ALDH3A1: variants seen among roughly 807,000 people sequenced by gnomAD.
ALDH3A1 encodes aldehyde dehydrogenase, dimeric NADP-preferring.
ALDH3A1 carries 46 observed loss-of-function variants against 49.9 expected under a neutral mutation model. That is an observed-to-expected ratio of 0.92 (90% CI 0.73 to 1.18). ALDH3A1 has a LOEUF of 1.18. Among genes scored for constraint, ALDH3A1 ranks in the 50% most tolerant of loss-of-function variants. The probability of loss-of-function intolerance (pLI) is 0.00; values close to 1 mark genes in which losing one functional copy is unlikely to be tolerated. For synonymous variants in ALDH3A1, 269 were observed against 253.3 expected (o/e 1.06, Z -0.59); for missense variants, 592 against 611.8 (o/e 0.97, Z 0.34).
chr17:19,739,511 G>A lies in ALDH3A1; in HGVS notation c.1113C>T (p.Asp371=). Residue 371 remains aspartate (D), a synonymous_variant, in exon 8 of 11, where the codon GAC becomes GAT. Transcript: ENST00000225740. ...GCACCCCAGGCCCACCACCCACCTT[G>A]TCGTTGCTGGAGAACATGTAGAGGG... ...PLALYMFSSN[D]KVIKKMIAET... is the part of the protein sequence containing the mutation. 4 of 1,608,834 alleles carry A rather than the reference G, an allele frequency of 2.5e-6. No individual in the cohort carries two copies. Among genetic ancestry groups the A allele is most frequent in the Non-Finnish European group, 3.4e-6 (4 of 1,178,136 alleles).
At chr17:19,744,901 G>GCCGGCCCCCCC in intron 2 of ALDH3A1, 67 bp downstream of exon 2, 1 of 434,630 alleles carries the variant, frequency 2.3e-6, no homozygotes, top group African/African-American at 3.4e-5. Context: ...ACTCTCCCCA[G>GCCGGCCCCCCC]CCCCTCCCCC....
At position 19,748,220 on chromosome 17, in the gene ALDH3A1, G is replaced by C. The variant is rs1308486260; in HGVS notation, c.-6+39C>G. The C allele has an allele frequency of 2.0e-5, 9 of 442,280 alleles. No individual in the cohort carries two copies. The Admixed American group carries it at 2.2e-4, about 11-fold the overall frequency. The allele number at this position is 442,280 out of a possible 1,614,324, so 27.4% of individuals were successfully genotyped here. ...CGGCTCTGAGTGCAGACTCCACCTAGACAAGAGAAAAAATAAGGAATGCAG... is the reference window on the plus strand; with the variant it reads ...CGGCTCTGAGTGCAGACTCCACCTACACAAGAGAAAAAATAAGGAATGCAG... On this transcript the variant is annotated intron_variant, in intron 1 of 10. Transcript: ENST00000225740. The surrounding 1 kb of genome is among the most constrained non-coding windows in gnomAD (Gnocchi z 4.4).
intron 5 of ALDH3A1, 149 bp from the exon 6 acceptor site, chr17:19,741,359 A>G: frequency 1.6e-6 from 1 of 634,826 alleles, no homozygotes; most frequent in South Asian, 1.8e-5. Context: ...TCACTTCTAG[A>G]CACTGGACCG....
At chr17:19,739,301 T>C (rs1049173534) in intron 8 of ALDH3A1, among the ~76,000 whole-genome samples, 3 of 152,214 alleles carry the variant, frequency 2.0e-5, no homozygotes, top group African/African-American at 4.8e-5. Context: ...CCCCCATGCC[T>C]GTGTGCAGGG....
chr17:19,744,901 G>GGCCCCCCCC, intron 2 of ALDH3A1, 67 bp downstream of exon 2: 33 of 434,614 alleles, frequency 7.6e-5, no homozygotes, highest in Middle Eastern at 8.8e-4. Flanking sequence ...ACTCTCCCCA[G>GGCCCCCCCC]CCCCTCCCCC....
At position 19,742,338 on chromosome 17, in the gene ALDH3A1, G is replaced by A. The variant is rs543186487; in HGVS notation, c.481-126C>T. On this transcript the variant is annotated intron_variant, in intron 4 of 10. Coordinates refer to ENST00000225740, the MANE Select transcript of ALDH3A1 (RefSeq NM_000691.5). Reference sequence around the variant, plus strand: ...GCTCAGCACCCCACCTTGGGCGGGGGGTAGCAGTAACTGGCAGTAGACCGC... The same window carrying A: ...GCTCAGCACCCCACCTTGGGCGGGGAGTAGCAGTAACTGGCAGTAGACCGC... 5.9e-6 allele frequency: 7 copies of A among 1,177,292 alleles called. No individual in the cohort carries two copies. The African/African-American group carries it at 7.6e-5, about 13-fold the overall frequency. The allele number at this position is 1,177,292 out of a possible 1,614,324, so 72.9% of individuals were successfully genotyped here. A position where few individuals can be genotyped will look rare whatever the true frequency, so the allele number is the denominator to read the frequency against.
At chr17:19,747,227 C>T (rs2086612518) in intron 1 of ALDH3A1, among the ~76,000 whole-genome samples, 1 of 152,182 alleles carries the variant, frequency 6.6e-6, no homozygotes, top group South Asian at 2.1e-4. Context: ...CTCTGCCTCC[C>T]CTCCCCATAG....
intron 3 of ALDH3A1, chr17:19,742,971 G>A (rs747751109): frequency 7.2e-6 from 11 of 1,527,534 alleles, no homozygotes; most frequent in African/African-American, 5.5e-5. Context: ...TGCATATTAG[G>A]TGACAGAAGC....
chr17:19,744,761 A>C lies in ALDH3A1; in HGVS notation c.162+207T>G, dbSNP rs1475049563. 5 of 1,366,292 alleles carry C rather than the reference A, an allele frequency of 3.7e-6. No individual in the cohort carries two copies. In the African/African-American group the frequency reaches 7.7e-5, roughly 21 times the overall value. The allele number at this position is 1,366,292 out of a possible 1,614,324, so 84.6% of individuals were successfully genotyped here. A position where few individuals can be genotyped will look rare whatever the true frequency, so the allele number is the denominator to read the frequency against. Reference sequence around the variant, plus strand: ...GGCGGGACGCGGAGGCCGGGCCAGGAGGAAAAGGCCAGAGGGCGGAAGAGG... The same window carrying C: ...GGCGGGACGCGGAGGCCGGGCCAGGCGGAAAAGGCCAGAGGGCGGAAGAGG... On this transcript the variant is annotated intron_variant, in intron 2 of 10. Transcript: ENST00000225740.
chr17:19,744,164 G>A (rs1420818903), intron 2 of ALDH3A1: 4 of 972,770 alleles, frequency 4.1e-6, no homozygotes, highest in Admixed American at 6.2e-5. Flanking sequence ...CTGAGAGGCC[G>A]AGAACTCCTC....
In ALDH3A1 at chr17:19,742,057, T is replaced by G. The variant is rs1299181555; in HGVS notation, c.636A>C (p.Gly212=). The part of the protein sequence containing the change: ...KHLTPVTLEL[G]GKSPCYVDKN... The stretch of plus-strand genomic sequence containing the variant: ...TGTCCACGTAGCAGGGACTCTTCCC[T>G]CCCAGCTCCAGCGTGACAGGGGTCA... The change falls in exon 5 of 11, where the codon GGA becomes GGC. Residue 212 remains glycine, a synonymous_variant. Transcript: ENST00000225740. The G allele has an allele frequency of 6.2e-7, 1 of 1,613,956 alleles. No homozygotes were observed.
At chr17:19,744,647 C>A (rs1381999793) in intron 2 of ALDH3A1, 1 of 985,346 alleles carries the variant, frequency 1.0e-6, no homozygotes, top group Non-Finnish European at 1.2e-6. Context: ...GTGTGGAGAA[C>A]CAAGTGGTCC....
intron 1 of ALDH3A1, 103 bp from the exon 2 acceptor site, chr17:19,745,237 G>A: frequency 1.6e-6 from 2 of 1,268,936 alleles, no homozygotes; most frequent in Admixed American, 3.0e-5. Flanking sequence ...GCTCGGCCTT[G>A]GGGAAAATGG....
In ALDH3A1 at chr17:19,743,724, C is replaced by T; in HGVS notation, c.163-261G>A. ...GGAGAGAGCCGGTGAAGGGACCAGG[C>T]ATGGGCAACGGAATGGATCCAGGTA... is the stretch of plus-strand genomic sequence containing the variant. On this transcript the variant is annotated intron_variant, in intron 2 of 10. Coordinates refer to ENST00000225740, the MANE Select transcript of ALDH3A1 (RefSeq NM_000691.5). This position sits in a 1 kb window ranked among gnomAD's most constrained non-coding sequence, Gnocchi z 4.4. The T allele has an allele frequency of 1.0e-6, 1 of 983,390 alleles. No individual in the cohort carries two copies. The highest frequency in any genetic ancestry group is 1.2e-6 in the Non-Finnish European group (1 of 829,806). The allele number at this position is 983,390 out of a possible 1,614,324, so 60.9% of individuals were successfully genotyped here.
chr17:19,746,644 CGTGTGT>C (rs111828936), intron 1 of ALDH3A1, among the ~76,000 whole-genome samples: 9 of 144,036 alleles, frequency 6.2e-5, no homozygotes, highest in South Asian at 4.4e-4. Context: ...TGTGCGTGTG[CGTGTGT>C]GTGCATGTGT....
chr17:19,745,065 G>C lies in ALDH3A1; in HGVS notation c.65C>G (p.Pro22Arg). 2 of 1,597,966 alleles carry C rather than the reference G, an allele frequency of 1.3e-6. No homozygotes were observed. Among genetic ancestry groups the C allele is most frequent in the Non-Finnish European group, 1.7e-6 (2 of 1,179,020 alleles). Residue 22 changes from proline to arginine, a missense_variant, in exon 2 of 11, where the codon CCG becomes CGG. Pro to Arg is a moderately radical substitution (Grantham distance 103). Transcript: ENST00000225740. Reference protein sequence around the residue: ...RAAFSSGRTRPLQFRIQQLEA... With the variant: ...RAAFSSGRTRRLQFRIQQLEA... ...CAGCTGCTGGATCCGGAACTGCAGC[G>C]GACGGGTCCTGCCCGAGCTGAAGGC... is the stretch of plus-strand genomic sequence containing the variant.
chr17:19,739,549 C>T lies in ALDH3A1; in HGVS notation c.1075G>A (p.Glu359Lys), dbSNP rs1254877247. Reference protein sequence around the residue: ...EEAIQFINQREKPLALYMFSS... With the variant: ...EEAIQFINQRKKPLALYMFSS... ...AACATGTAGAGGGCCAGGGGCTTCT[C>T]ACGCTGGTTGATGAACTGGATGGCC... Residue 359 changes from glutamate to lysine, a missense_variant, in exon 8 of 11, where the codon GAG becomes AAG. Transcript: ENST00000225740. 9.3e-6 allele frequency: 15 copies of T among 1,612,920 alleles called. No homozygotes were observed. The highest frequency in any genetic ancestry group is 1.3e-5 in the Non-Finnish European group (15 of 1,179,712).
At chr17:19,739,899 G>A (rs1448332344) in intron 7 of ALDH3A1, among the ~76,000 whole-genome samples, 1 of 152,150 alleles carries the variant, frequency 6.6e-6, no homozygotes, top group African/African-American at 2.4e-5. Context: ...GGAAGGACCC[G>A]AGATCTGTCT....
At chr17:19,741,928 A>C in intron 5 of ALDH3A1, 76 bp downstream of exon 5, 3 of 1,440,638 alleles carry the variant, frequency 2.1e-6, no homozygotes, top group Non-Finnish European at 2.9e-6. Context: ...GAGTGGACCC[A>C]CAGCATGAGG....
Sources: gnomAD v4.1 joint callset for allele counts (sites outside exome capture counted in the v4.1 genomes callset) on GRCh38, gnomAD v4.1.1 for gene constraint, Gnocchi (gnomAD v3.1) non-coding constraint, MANE v1.5 for transcripts, NCBI Gene and HGNC (gene_info 2026-07-23, HGNC 2026-07-21) for gene names.